Variants in NEURL1B observed in about 807,000 individuals in gnomAD.
The protein encoded by NEURL1B is neuralized E3 ubiquitin protein ligase 1B, also known as E3 ubiquitin-protein ligase NEURL1B.
In NEURL1B, 13 loss-of-function variants were observed where a neutral mutation model predicts 37.4. That is an observed-to-expected ratio of 0.35 (90% CI 0.23 to 0.55). The LOEUF is 0.55. Ranked by LOEUF, NEURL1B falls within the 20% of genes least tolerant of loss-of-function variation. NEURL1B has a pLI of 0.89. For missense variants in NEURL1B, 790 were observed against 879.2 expected (o/e 0.90, Z 1.28); for synonymous variants, 432 against 426.6 (o/e 1.01, Z -0.16).
chr5:172,652,352 T>G (rs911150481), intron 1 of NEURL1B, among the ~76,000 whole-genome samples: 1 of 152,274 alleles, frequency 6.6e-6, no homozygotes, highest in African/African-American at 2.4e-5. Context: ...TGGCCTGCCA[T>G]GTACACAAGC....
intron 1 of NEURL1B, among the ~76,000 whole-genome samples, chr5:172,659,038 C>T (rs867509490): frequency 1.5e-5 from 2 of 129,330 alleles, no homozygotes; most frequent in African/African-American, 5.9e-5. Context: ...CTGCCCGCCC[C>T]CCCCCCCCCA....
Position 172,686,918 on chromosome 5 carries a change from G to T in NEURL1B, c.1661G>T (p.Arg554Met). The T allele has an allele frequency of 6.5e-7, 1 of 1,545,606 alleles. No homozygotes were observed. The highest frequency in any genetic ancestry group is 8.8e-7 in the Non-Finnish European group (1 of 1,142,726). ...ATCAAGGACGTCATTAAGATCTACA[G>T]GCCATAGCCTAGCCTGCCCACGGGC... Reference protein sequence around the residue: ...RPIKDVIKIYRP With the variant: ...RPIKDVIKIYMP The change falls in exon 5 of 5, where the codon AGG (arginine) becomes ATG (methionine). Residue 554 changes from arginine to methionine, a missense_variant. Arg to Met is a moderately conservative substitution (Grantham distance 91). Transcript: ENST00000369800. The surrounding 1 kb of genome is among the most constrained non-coding windows in gnomAD (Gnocchi z 7.9).
chr5:172,672,683 C>T lies in NEURL1B; in HGVS notation c.577+2353C>T, dbSNP rs1277210976. Among the ~76,000 whole-genome samples the T allele has an allele frequency of 5.3e-5, 8 of 152,114 alleles. No homozygotes were observed. In the South Asian group the frequency reaches 1.4e-3, roughly 28 times the overall value. Reference sequence around the variant, plus strand: ...AGCTTCCCTTATCTACAAGTCGTCCCTGAGCTGTGCTTATTGATGGAAACT... The same window carrying T: ...AGCTTCCCTTATCTACAAGTCGTCCTTGAGCTGTGCTTATTGATGGAAACT... On this transcript the variant is annotated intron_variant, in intron 2 of 4. Coordinates refer to ENST00000369800, the MANE Select transcript of NEURL1B (RefSeq NM_001142651.3).
intron 1 of NEURL1B, among the ~76,000 whole-genome samples, chr5:172,652,830 T>G (rs955096333): frequency 6.6e-6 from 1 of 152,248 alleles, no homozygotes; most frequent in Admixed American, 6.5e-5. Flanking sequence ...AACTAGATGG[T>G]CAGCAATAGA....
At chr5:172,659,527 TTTC>T (rs1258433468) in intron 1 of NEURL1B, among the ~76,000 whole-genome samples, 2 of 152,160 alleles carry the variant, frequency 1.3e-5, no homozygotes, top group East Asian at 3.9e-4. Context: ...CCTGGACTGT[TTTC>T]TTACTCCTGC....
intron 1 of NEURL1B, among the ~76,000 whole-genome samples, chr5:172,642,257 A>G (rs1757478027): frequency 6.6e-6 from 1 of 152,228 alleles, no homozygotes; most frequent in Non-Finnish European, 1.5e-5. Context: ...CAGTTTTACA[A>G]ATAAAAAAAT....
intron 2 of NEURL1B, among the ~76,000 whole-genome samples, chr5:172,677,801 C>A (rs1227402849): frequency 6.6e-6 from 1 of 152,150 alleles, no homozygotes; most frequent in African/African-American, 2.4e-5. Flanking sequence ...CAGAAGAGCC[C>A]CGGTGGCGTC....
rs189361403 is a variant in NEURL1B, at chr5:172,676,238, G to A, written c.577+5908G>A. Among the ~76,000 whole-genome samples the A allele has an allele frequency of 9.9e-4, 150 of 151,912 alleles. No homozygotes were observed. The highest frequency in any genetic ancestry group is 1.6e-3 in the Non-Finnish European group (108 of 67,980). On this transcript the variant is annotated intron_variant, in intron 2 of 4. Coordinates refer to ENST00000369800, the MANE Select transcript of NEURL1B (RefSeq NM_001142651.3). The surrounding 1 kb of genome is among the most constrained non-coding windows in gnomAD (Gnocchi z 4.5). The stretch of plus-strand genomic sequence containing the variant: ...GTTGCCTTTAAGCCTGGCTCAATGC[G>A]GGGACCCAAAGAACTGCACCTGGAA...
rs1344342212 is a variant in NEURL1B at position 172,686,497 on chromosome 5, C to T, written c.1424-184C>T. Among the ~76,000 whole-genome samples, 2 of 152,156 alleles carry T rather than the reference C, an allele frequency of 1.3e-5. No homozygotes were observed. Among genetic ancestry groups the T allele is most frequent in the Non-Finnish European group, 2.9e-5 (2 of 68,024 alleles). On this transcript the variant is annotated intron_variant, in intron 4 of 4. Coordinates refer to ENST00000369800, the MANE Select transcript of NEURL1B (RefSeq NM_001142651.3). The surrounding 1 kb of genome is among the most constrained non-coding windows in gnomAD (Gnocchi z 7.9). ...AAGGGTGACGATGGTGGCATTTTAT[C>T]TTGGTGTTTGGGAGTAGAAGAGTAG...
chr5:172,683,492 C>T lies in NEURL1B; in HGVS notation c.651C>T (p.Ser217=). ...GCTTCAGCGCCTGCCTGCCGCCCAG[C>T]AGCCACGACGCGGCCAACTTCGACA... is the stretch of plus-strand genomic sequence containing the variant. ...QARFSACLPP[S]SHDAANFDNN... The change falls in exon 3 of 5, where the codon AGC becomes AGT. Residue 217 remains serine, a synonymous_variant. Coordinates refer to ENST00000369800, the MANE Select transcript of NEURL1B (RefSeq NM_001142651.3). This position sits in a 1 kb window ranked among gnomAD's most constrained non-coding sequence, Gnocchi z 5.6. 1 of 1,500,150 alleles carries T rather than the reference C, an allele frequency of 6.7e-7. No individual in the cohort carries two copies. Among genetic ancestry groups the T allele is most frequent in the Non-Finnish European group, 8.9e-7 (1 of 1,129,922 alleles). The allele number at this position is 1,500,150 out of a possible 1,614,324, so 92.9% of individuals were successfully genotyped here.
rs1411893762 is a variant in NEURL1B, at chr5:172,689,935, C to T, written c.*3010C>T. 1 of 152,276 alleles carries T rather than the reference C, an allele frequency of 6.6e-6. No homozygotes were observed. The allele number at this position is 152,276 out of a possible 1,614,324, so 9.4% of individuals were successfully genotyped here. A position where few individuals can be genotyped will look rare whatever the true frequency, so the allele number is the denominator to read the frequency against. ...ATCTGGACTCCAACCCAAGGGCCCT[C>T]TCTTGTTATTCAGGGGTGTCCACAG... On this transcript the variant is annotated 3_prime_UTR_variant, in exon 5 of 5. Transcript: ENST00000369800.
Position 172,684,038 on chromosome 5 carries a change from C to T in NEURL1B, c.1197C>T (p.Asn399=). ...RPGGDVLLGI[N]GRPRGRLLCV... is the part of the protein sequence containing the mutation. ...GCGGCGACGTGCTCCTGGGCATCAA[C>T]GGGCGTCCGCGCGGCCGCCTGCTGT... The change falls in exon 3 of 5, where the codon AAC becomes AAT. Residue 399 remains asparagine, a synonymous_variant. Coordinates refer to ENST00000369800, the MANE Select transcript of NEURL1B (RefSeq NM_001142651.3). The T allele has an allele frequency of 7.5e-7, 1 of 1,335,206 alleles. No homozygotes were observed. Among genetic ancestry groups the T allele is most frequent in the Non-Finnish European group, 9.6e-7 (1 of 1,040,312 alleles). The allele number at this position is 1,335,206 out of a possible 1,614,324, so 82.7% of individuals were successfully genotyped here.
At chr5:172,673,602 A>G (rs1218054983) in intron 2 of NEURL1B, among the ~76,000 whole-genome samples, 1 of 152,106 alleles carries the variant, frequency 6.6e-6, no homozygotes, top group Non-Finnish European at 1.5e-5. Flanking sequence ...AAACAAGGAA[A>G]AAAAAGTTTT....
intron 1 of NEURL1B, among the ~76,000 whole-genome samples, chr5:172,643,987 G>A (rs1237794707): frequency 1.3e-5 from 2 of 151,662 alleles, no homozygotes; most frequent in African/African-American, 4.8e-5. Context: ...TTGAACGAGG[G>A]GCCTGCTGTT....
chr5:172,655,119 G>A (rs1482847398), intron 1 of NEURL1B, among the ~76,000 whole-genome samples: 1 of 152,078 alleles, frequency 6.6e-6, no homozygotes, highest in Non-Finnish European at 1.5e-5. Context: ...GGAGGGAGTG[G>A]AGCTGCTCTT....
At position 172,641,383 on chromosome 5, in the gene NEURL1B, G is replaced by A; in HGVS notation, c.-24G>A. On this transcript the variant is annotated 5_prime_UTR_variant, in exon 1 of 5. Coordinates refer to ENST00000369800, the MANE Select transcript of NEURL1B (RefSeq NM_001142651.3). The surrounding 1 kb of genome is among the most constrained non-coding windows in gnomAD (Gnocchi z 6.4). ...CTCCGCGCGCCCAGAGCGCGCCGCC[G>A]CCAACGCCGCGCCCGACGCAGCGAT... 1.4e-6 allele frequency: 2 copies of A among 1,384,782 alleles called. No homozygotes were observed. The highest frequency in any genetic ancestry group is 9.4e-7 in the Non-Finnish European group (1 of 1,069,280). The allele number at this position is 1,384,782 out of a possible 1,614,324, so 85.8% of individuals were successfully genotyped here.
In NEURL1B at chr5:172,686,289, A is replaced by C; in HGVS notation, c.1416A>C (p.Ser472=). 6.4e-7 allele frequency: 1 copy of C among 1,551,706 alleles called. No individual in the cohort carries two copies. Among genetic ancestry groups the C allele is most frequent in the South Asian group, 1.2e-5 (1 of 84,044 alleles). Residue 472 remains serine, a synonymous_variant, in exon 4 of 5, where the codon TCA becomes TCC. Coordinates refer to ENST00000369800, the MANE Select transcript of NEURL1B (RefSeq NM_001142651.3). The surrounding 1 kb of genome is among the most constrained non-coding windows in gnomAD (Gnocchi z 7.9). ...SVNQSSSASE[S]SLVTAPSSPL... ...ACCAGTCCTCCTCGGCATCTGAGTC[A>C]TCCCTGGGTAAGGAAATGCAAACCC...
At chr5:172,670,852 C>T (rs1206332397) in intron 2 of NEURL1B, among the ~76,000 whole-genome samples, 1 of 152,164 alleles carries the variant, frequency 6.6e-6, no homozygotes, top group African/African-American at 2.4e-5. Flanking sequence ...CCATGGAGTA[C>T]CTCCATGGCA....
In NEURL1B at chr5:172,683,399, C is replaced by G; in HGVS notation, c.578-20C>G. On this transcript the variant is annotated intron_variant, in intron 2 of 4. Transcript: ENST00000369800. The surrounding 1 kb of genome is among the most constrained non-coding windows in gnomAD (Gnocchi z 5.6). ...ACGCGCGGCCTCTCCCCCTCCATGT[C>G]CCTCCCTTTGTCCGCACAGAGAGCG... is the stretch of plus-strand genomic sequence containing the variant. 7.6e-7 allele frequency: 1 copy of G among 1,315,894 alleles called. No individual in the cohort carries two copies. Among genetic ancestry groups the G allele is most frequent in the African/African-American group, 1.5e-5 (1 of 65,444 alleles). 81.5% of individuals were successfully genotyped at this position (1,315,894 alleles called of 1,614,324 possible). A position where few individuals can be genotyped will look rare whatever the true frequency, so the allele number is the denominator to read the frequency against.
Sources: gnomAD v4.1 joint callset for allele counts (sites outside exome capture counted in the v4.1 genomes callset) on GRCh38, gnomAD v4.1.1 for gene constraint, Gnocchi (gnomAD v3.1) non-coding constraint, MANE v1.5 for transcripts, NCBI Gene and HGNC (gene_info 2026-07-23, HGNC 2026-07-21) for gene names.